TMEM8B: variants seen among roughly 807,000 people sequenced by gnomAD.
TMEM8B encodes transmembrane protein 8B.
TMEM8B carries 29 observed loss-of-function variants against 49.3 expected under a neutral mutation model. The ratio of observed to expected loss-of-function variants is 0.59; its 90% CI spans 0.44 to 0.80. The LOEUF (loss-of-function observed/expected upper bound fraction) is 0.80. TMEM8B is among the 30% of genes least tolerant of loss of function. The pLI is 0.00. For missense variants in TMEM8B, 575 were observed against 658.5 expected, an observed-to-expected ratio of 0.87 and a Z score of 1.39; for synonymous variants, 264 against 272.8, an observed-to-expected ratio of 0.97 and a Z score of 0.32.
rs930730196 is a variant in TMEM8B, at chr9:35,864,485, C to T, written c.*10645C>T. 17 of 152,214 alleles carry T rather than the reference C, an allele frequency of 1.1e-4. No homozygotes were observed. The highest frequency in any genetic ancestry group is 5.9e-5 in the Non-Finnish European group (4 of 68,042). The allele number at this position is 152,214 out of a possible 1,614,324, so 9.4% of individuals were successfully genotyped here. ...CCCTGGAGTCAGACGGGACTAGGGT[C>T]CAAGCCCCAGCTCTTCCACTTGTTA... is the stretch of plus-strand genomic sequence containing the variant. On this transcript the variant is annotated 3_prime_UTR_variant, in exon 13 of 13. Coordinates refer to ENST00000643932, the MANE Select transcript of TMEM8B (RefSeq NM_001042590.4).
At position 35,846,614 on chromosome 9, in the gene TMEM8B, G is replaced by T. The variant is rs2132347377; in HGVS notation, c.1996+3G>T. On this transcript the variant is annotated splice_donor_region_variant and intron_variant, in intron 9 of 12. Coordinates refer to ENST00000643932, the MANE Select transcript of TMEM8B (RefSeq NM_001042590.4). ...CGCAGCCTGCGAGTGCAAGGCCGGT[G>T]AGCAGGCTGGCGAGGGAGCGGGCTG... 1 of 1,574,574 alleles carries T rather than the reference G, an allele frequency of 6.4e-7. No homozygotes were observed. Among genetic ancestry groups the T allele is most frequent in the African/African-American group, 1.3e-5 (1 of 74,192 alleles).
At chr9:35,832,259 A>G (rs1465597554) in intron 1 of TMEM8B, among the ~76,000 whole-genome samples, 2 of 151,904 alleles carry the variant, frequency 1.3e-5, no homozygotes, top group Non-Finnish European at 2.9e-5. Context: ...CATCATAGAA[A>G]TATTGGGGAA....
Position 35,852,820 on chromosome 9 carries a change from C to T in TMEM8B, c.2176-7C>T. 6.2e-7 allele frequency: 1 copy of T among 1,614,104 alleles called. No individual in the cohort carries two copies. On this transcript the variant is annotated splice_polypyrimidine_tract_variant and splice_region_variant and intron_variant, in intron 10 of 12. Transcript: ENST00000643932. ...GTTCTCTCAATGCCTGTCATTTCTTCCTTCAGTTCTATCATGCCTGTGACC... is the reference window on the plus strand; with the variant it reads ...GTTCTCTCAATGCCTGTCATTTCTTTCTTCAGTTCTATCATGCCTGTGACC...
rs575269973 is a variant in TMEM8B at position 35,841,034 on chromosome 9, C to T, written c.907-100C>T. 23 of 411,578 alleles carry T rather than the reference C, an allele frequency of 5.6e-5. No individual in the cohort carries two copies. The highest frequency in any genetic ancestry group is 4.5e-4 in the African/African-American group (22 of 48,564). 25.5% of individuals were successfully genotyped at this position (411,578 alleles called of 1,614,324 possible). On this transcript the variant is annotated intron_variant, in intron 3 of 12. Coordinates refer to ENST00000643932, the MANE Select transcript of TMEM8B (RefSeq NM_001042590.4). This position sits in a 1 kb window ranked among gnomAD's most constrained non-coding sequence, Gnocchi z 5.9. ...AGAGGCCTGGGAGTGGTGGCCGGGG[C>T]GGGGGTTTCTCCCCAGCCCGCCCAG... is the stretch of plus-strand genomic sequence containing the variant.
chr9:35,845,799 G>T, intron 6 of TMEM8B, 176 bp from the exon 7 acceptor site: 1 of 985,410 alleles, frequency 1.0e-6, no homozygotes, highest in Non-Finnish European at 1.2e-6. Context: ...AGGATCTGTT[G>T]TTTTTCAGTT....
rs917875635 is a variant in TMEM8B, at chr9:35,861,135, G to A, written c.*7295G>A. On this transcript the variant is annotated 3_prime_UTR_variant, in exon 13 of 13. Coordinates refer to ENST00000643932, the MANE Select transcript of TMEM8B (RefSeq NM_001042590.4). ...CTCCCCTCCTGCCCTTCGCTCCTGG[G>A]TTGGTTGTGAGGACAGTGCTTTGTG... 3 of 152,300 alleles carry A rather than the reference G, an allele frequency of 2.0e-5. No individual in the cohort carries two copies. Among genetic ancestry groups the A allele is most frequent in the Admixed American group, 1.3e-4 (2 of 15,286 alleles). 9.4% of individuals were successfully genotyped at this position (152,300 alleles called of 1,614,324 possible).
At position 35,853,488 on chromosome 9, in the gene TMEM8B, T is replaced by G. The variant is rs931407721; in HGVS notation, c.2440-17T>G. 2 of 1,601,102 alleles carry G rather than the reference T, an allele frequency of 1.2e-6. No individual in the cohort carries two copies. The highest frequency in any genetic ancestry group is 1.1e-5 in the South Asian group (1 of 90,136). On this transcript the variant is annotated splice_polypyrimidine_tract_variant and intron_variant, in intron 12 of 12. Coordinates refer to ENST00000643932, the MANE Select transcript of TMEM8B (RefSeq NM_001042590.4). This position sits in a 1 kb window ranked among gnomAD's most constrained non-coding sequence, Gnocchi z 4.2. ...AGGGCTTGGCATTCCTGAGCCCCAC[T>G]TCTCTGTCTCCCCCAGACAGTACGC...
chr9:35,841,767 C>T lies in TMEM8B; in HGVS notation c.1282C>T (p.Arg428Cys), dbSNP rs370408684. 60 of 415,998 alleles carry T rather than the reference C, an allele frequency of 1.4e-4. No individual in the cohort carries two copies. The Admixed American group carries it at 1.6e-3, about 11-fold the overall frequency. 25.8% of individuals were successfully genotyped at this position (415,998 alleles called of 1,614,324 possible). ...ATCCCGGGGCCCTGGTAGGACCATC[C>T]GCTTCCAGCTGTGTGTGCGGTTGCA... ...TSSRGPGRTI[R>C]FQLCVRLQEC... Residue 428 changes from arginine to cysteine, a missense_variant, in exon 5 of 13, where the codon CGC becomes TGC. By Grantham distance (180) the Arg-to-Cys change is radical. Coordinates refer to ENST00000643932, the MANE Select transcript of TMEM8B (RefSeq NM_001042590.4). The surrounding 1 kb of genome is among the most constrained non-coding windows in gnomAD (Gnocchi z 5.9).
rs921395582 is a variant in TMEM8B, at chr9:35,861,425, C to T, written c.*7585C>T. 6.5e-6 allele frequency: 1 copy of T among 153,640 alleles called. No individual in the cohort carries two copies. The highest frequency in any genetic ancestry group is 2.4e-5 in the African/African-American group (1 of 41,492). 9.5% of individuals were successfully genotyped at this position (153,640 alleles called of 1,614,324 possible). On this transcript the variant is annotated 3_prime_UTR_variant, in exon 13 of 13. Transcript: ENST00000643932. Reference sequence around the variant, plus strand: ...TCCTTCCCCTTGCTGTTACCTGCTGCCTTCTTGTGCTCCCACTGCCCTTGG... The same window carrying T: ...TCCTTCCCCTTGCTGTTACCTGCTGTCTTCTTGTGCTCCCACTGCCCTTGG...
Position 35,841,792 on chromosome 9 carries a change from AAGGTC to A in TMEM8B, c.1309+1_1309+5del. ...CGCTTCCAGCTGTGTGTGCGGTTGC[AAGGTC>A]AGAACCCCTGCATTTGCCCCAGTCT... On this transcript the variant is annotated splice_donor_variant and splice_donor_region_variant and coding_sequence_variant and intron_variant, in exon 5 of 13. Transcript: ENST00000643932. LOFTEE classifies it high-confidence loss of function. The surrounding 1 kb of genome is among the most constrained non-coding windows in gnomAD (Gnocchi z 5.9). 1 of 415,994 alleles carries A rather than the reference AAGGTC, an allele frequency of 2.4e-6. No individual in the cohort carries two copies. Among genetic ancestry groups the A allele is most frequent in the Non-Finnish European group, 4.4e-6 (1 of 226,496 alleles). The allele number at this position is 415,994 out of a possible 1,614,324, so 25.8% of individuals were successfully genotyped here.
intron 3 of TMEM8B, among the ~76,000 whole-genome samples, chr9:35,836,720 CAT>C (rs918487063): frequency 2.6e-5 from 4 of 152,210 alleles, no homozygotes; most frequent in African/African-American, 9.6e-5. Context: ...CTAGGTCTGA[CAT>C]GTGCATTTGC....
At chr9:35,851,299 G>A (rs992920911) in intron 10 of TMEM8B, among the ~76,000 whole-genome samples, 2 of 133,666 alleles carry the variant, frequency 1.5e-5, no homozygotes, top group Non-Finnish European at 3.1e-5. Flanking sequence ...ACACGCTACC[G>A]TGCCCAGCTA....
Position 35,842,343 on chromosome 9 carries a change from A to C in TMEM8B, c.1310-49A>C. 4 of 1,375,920 alleles carry C rather than the reference A, an allele frequency of 2.9e-6. No individual in the cohort carries two copies. The highest frequency in any genetic ancestry group is 3.9e-6 in the Non-Finnish European group (4 of 1,029,034). 85.2% of individuals were successfully genotyped at this position (1,375,920 alleles called of 1,614,324 possible). A position where few individuals can be genotyped will look rare whatever the true frequency, so the allele number is the denominator to read the frequency against. On this transcript the variant is annotated intron_variant, in intron 5 of 12. Transcript: ENST00000643932. The surrounding 1 kb of genome is among the most constrained non-coding windows in gnomAD (Gnocchi z 5.6). Reference sequence around the variant, plus strand: ...CTCAGATGTGTTTATGAGTAAGTTCAGGACTGTAAAGGCTGCAGGCCCAAG... The same window carrying C: ...CTCAGATGTGTTTATGAGTAAGTTCCGGACTGTAAAGGCTGCAGGCCCAAG...
intron 1 of TMEM8B, among the ~76,000 whole-genome samples, chr9:35,832,876 A>T (rs1394745216): frequency 6.6e-6 from 1 of 152,086 alleles, no homozygotes; most frequent in Non-Finnish European, 1.5e-5. Flanking sequence ...AGTCGGTCCC[A>T]TTTCCCTTTA....
In TMEM8B at chr9:35,863,930, C is replaced by T. The variant is rs892838375; in HGVS notation, c.*10090C>T. On this transcript the variant is annotated 3_prime_UTR_variant, in exon 13 of 13. Coordinates refer to ENST00000643932, the MANE Select transcript of TMEM8B (RefSeq NM_001042590.4). ...CTCTAGTGGCCATCTACCAGTGTCA[C>T]GCAGTGTCACGCTCGGTCATGGCCT... 3 of 152,254 alleles carry T rather than the reference C, an allele frequency of 2.0e-5. No individual in the cohort carries two copies. Among genetic ancestry groups the T allele is most frequent in the Admixed American group, 6.5e-5 (1 of 15,274 alleles). 9.4% of individuals were successfully genotyped at this position (152,254 alleles called of 1,614,324 possible).
chr9:35,829,413 C>T lies in TMEM8B; in HGVS notation c.-35C>T. On this transcript the variant is annotated 5_prime_UTR_variant, in exon 1 of 13. Coordinates refer to ENST00000643932, the MANE Select transcript of TMEM8B (RefSeq NM_001042590.4). ...GCGGGCCAGCTCTGCGAGCGCCCCG[C>T]GCTGGCCTGTCCGGCCCCGCCCCCG... 2.9e-6 allele frequency: 1 copy of T among 345,654 alleles called. No individual in the cohort carries two copies. Among genetic ancestry groups the T allele is most frequent in the Non-Finnish European group, 5.2e-6 (1 of 192,672 alleles). The allele number at this position is 345,654 out of a possible 1,614,324, so 21.4% of individuals were successfully genotyped here.
chr9:35,834,185 G>T (rs1474130438), intron 1 of TMEM8B, among the ~76,000 whole-genome samples: 1 of 152,120 alleles, frequency 6.6e-6, no homozygotes, highest in Admixed American at 6.5e-5. Context: ...AGCTAGGTTT[G>T]CATCCTCAGT....
intron 3 of TMEM8B, among the ~76,000 whole-genome samples, chr9:35,835,993 G>T (rs552427221): frequency 6.6e-6 from 1 of 152,260 alleles, no homozygotes; most frequent in Non-Finnish European, 1.5e-5. Flanking sequence ...TGCTGAGCTG[G>T]CTGTTGTCAG....
rs1333826941 is a variant in TMEM8B, at chr9:35,854,115, G to A, written c.*275G>A. The A allele has an allele frequency of 4.1e-6, 4 of 984,830 alleles. No homozygotes were observed. Among genetic ancestry groups the A allele is most frequent in the East Asian group, 3.6e-5 (1 of 27,512 alleles). 61.0% of individuals were successfully genotyped at this position (984,830 alleles called of 1,614,324 possible). On this transcript the variant is annotated 3_prime_UTR_variant, in exon 13 of 13. Coordinates refer to ENST00000643932, the MANE Select transcript of TMEM8B (RefSeq NM_001042590.4). ...GGACCAAGGAGTCCCTCCTGCAGGT[G>A]TGGAGCCTTTCCTGGGATGCAGAGC...
Sources: allele counts gnomAD v4.1 joint callset (sites outside exome capture counted in the v4.1 genomes callset), GRCh38; gene constraint gnomAD v4.1.1; non-coding constraint Gnocchi (gnomAD v3.1); transcripts MANE v1.5; gene names NCBI Gene and HGNC (gene_info 2026-07-23, HGNC 2026-07-21).